The following ANGPT1 variants were observed in gnomAD, a reference collection of about 807,000 sequenced individuals.
ANGPT1 encodes angiopoietin 1, also known as angiopoietin-1.
ANGPT1 carries 17 observed loss-of-function variants against 62.2 expected under a neutral mutation model. The observed-to-expected ratio is 0.27, with a 90% CI of 0.19 to 0.41. The LOEUF (loss-of-function observed/expected upper bound fraction) is 0.41, where lower values mean the gene tolerates loss of function less well. Ranked by LOEUF, ANGPT1 falls within the 10% of genes least tolerant of loss-of-function variation. ANGPT1 has a pLI of 1.00. For synonymous variants in ANGPT1, 199 were observed against 198.9 expected, an observed-to-expected ratio of 1.00 and a Z score of 0.00; for missense variants, 478 against 594.9, an observed-to-expected ratio of 0.80 and a Z score of 2.04.
chr8:107,289,164 C>T (rs1295381787), intron 6 of ANGPT1, among the ~76,000 whole-genome samples: 2 of 152,058 alleles, frequency 1.3e-5, no homozygotes, highest in African/African-American at 4.8e-5. Flanking sequence ...TTCTCTAACG[C>T]TCTAATAAAA....
At chr8:107,382,507 G>T (rs1456310175) in intron 1 of ANGPT1, among the ~76,000 whole-genome samples, 3 of 150,688 alleles carry the variant, frequency 2.0e-5, no homozygotes, top group African/African-American at 7.3e-5. Context: ...ATCCAACAGT[G>T]CTGTGCTGAT....
intron 1 of ANGPT1, among the ~76,000 whole-genome samples, chr8:107,391,482 C>T (rs1329534176): frequency 6.6e-6 from 1 of 152,100 alleles, no homozygotes; most frequent in African/African-American, 2.4e-5. Context: ...GCCTGGCCAA[C>T]ATGGTGAAAC....
intron 1 of ANGPT1, among the ~76,000 whole-genome samples, chr8:107,370,725 G>A (rs10100999): frequency 0.74 from 96,162 of 129,562 alleles, 36,385 homozygotes; most frequent in East Asian, 0.86. Flanking sequence ...AAAAAAAAGA[G>A]GAAGAAGAAA....
intron 1 of ANGPT1, among the ~76,000 whole-genome samples, chr8:107,405,095 G>T (rs1586294917): frequency 1.3e-5 from 2 of 151,790 alleles, no homozygotes; most frequent in East Asian, 3.9e-4. Flanking sequence ...TTTTTTAAAT[G>T]CCAGTACATA....
intron 6 of ANGPT1, among the ~76,000 whole-genome samples, chr8:107,285,849 G>C (rs1041749537): frequency 6.6e-6 from 1 of 151,976 alleles, no homozygotes; most frequent in Admixed American, 6.6e-5. Flanking sequence ...GCCATGTTGT[G>C]AGCTCCCTGA....
intron 1 of ANGPT1, among the ~76,000 whole-genome samples, chr8:107,485,909 A>G (rs935976388): frequency 1.3e-5 from 2 of 152,198 alleles, no homozygotes; most frequent in African/African-American, 4.8e-5. Flanking sequence ...AGACTCAATT[A>G]AGCTCTATAA....
At chr8:107,279,800 A>C (rs973400521) in intron 7 of ANGPT1, among the ~76,000 whole-genome samples, 1 of 152,034 alleles carries the variant, frequency 6.6e-6, no homozygotes, top group Admixed American at 6.6e-5. Context: ...GCACAAGTTA[A>C]AGATAGTTAA....
At chr8:107,482,066 G>A (rs2130523152) in intron 1 of ANGPT1, among the ~76,000 whole-genome samples, 1 of 152,308 alleles carries the variant, frequency 6.6e-6, no homozygotes, top group African/African-American at 2.4e-5. Context: ...GGACTAAGAT[G>A]GCTGGTATCA....
intron 1 of ANGPT1, among the ~76,000 whole-genome samples, chr8:107,380,359 TTGTGTG>T (rs71308731): frequency 0.017 from 2,547 of 148,778 alleles, 81 homozygotes; most frequent in African/African-American, 0.058. Context: ...TGCAGGATGT[TTGTGTG>T]TGTGTGTGTG....
chr8:107,279,746 T>TACACAC (rs148069454), intron 7 of ANGPT1, among the ~76,000 whole-genome samples: 1,754 of 146,276 alleles, frequency 0.012, 22 homozygotes, highest in African/African-American at 0.042. Flanking sequence ...CACACACGTG[T>TACACAC]ACACACACAC....
intron 7 of ANGPT1, among the ~76,000 whole-genome samples, chr8:107,276,150 A>C (rs1357798401): frequency 6.6e-6 from 1 of 152,288 alleles, no homozygotes; most frequent in East Asian, 1.9e-4. Context: ...ATTAAAATAT[A>C]AATTTTGATG....
chr8:107,492,003 A>G (rs1419252724), intron 1 of ANGPT1, among the ~76,000 whole-genome samples: 1 of 152,202 alleles, frequency 6.6e-6, no homozygotes, highest in African/African-American at 2.4e-5. Context: ...ACAGTTTACC[A>G]AAAGGCTGTT....
At chr8:107,298,875 A>G (rs1014093543) in intron 5 of ANGPT1, among the ~76,000 whole-genome samples, 4 of 151,844 alleles carry the variant, frequency 2.6e-5, no homozygotes, top group African/African-American at 9.7e-5. Flanking sequence ...TATAATGAGC[A>G]ATGCTTTGGC....
intron 1 of ANGPT1, among the ~76,000 whole-genome samples, chr8:107,459,375 C>T (rs1019369613): frequency 1.3e-4 from 20 of 151,980 alleles, no homozygotes; most frequent in African/African-American, 3.9e-4. Context: ...CATGGTGAAA[C>T]CCTGTGTCTA....
chr8:107,280,261 C>T (rs1281401530), intron 7 of ANGPT1, among the ~76,000 whole-genome samples: 5 of 151,278 alleles, frequency 3.3e-5, no homozygotes, highest in East Asian at 1.9e-4. Context: ...AGTGTAATGG[C>T]GCAATCTCGG....
Position 107,338,843 on chromosome 8 carries a change from G to A in ANGPT1, c.454-2572C>T, listed in dbSNP as rs1815632263. The stretch of plus-strand genomic sequence containing the variant: ...TAATGAAATAGGGAATGAAACACTT[G>A]TATGTTTTGGTGACATTTAGAACAA... On this transcript the variant is annotated intron_variant, in intron 2 of 8. Transcript: ENST00000517746. Among the ~76,000 whole-genome samples the A allele has an allele frequency of 2.0e-5, 3 of 152,300 alleles. No individual in the cohort carries two copies. In the South Asian group the frequency reaches 6.2e-4, roughly 32 times the overall value.
At chr8:107,355,712 T>G (rs558877028) in intron 1 of ANGPT1, among the ~76,000 whole-genome samples, 4 of 152,270 alleles carry the variant, frequency 2.6e-5, no homozygotes, top group Admixed American at 6.5e-5. Context: ...CAAAACTCAG[T>G]TCAAGCTTTT....
At chr8:107,296,612 T>C (rs1013427984) in intron 5 of ANGPT1, among the ~76,000 whole-genome samples, 1 of 152,020 alleles carries the variant, frequency 6.6e-6, no homozygotes, top group Non-Finnish European at 1.5e-5. Flanking sequence ...GTGGTCAAAG[T>C]GGAGCTTTAC....
intron 7 of ANGPT1, among the ~76,000 whole-genome samples, chr8:107,282,594 A>ATATATATG (rs1814042600): frequency 8.4e-6 from 1 of 119,372 alleles, no homozygotes; most frequent in Admixed American, 8.9e-5. Flanking sequence ...ATATATATAT[A>ATATATATG]TGAGCCTCAG....
Sources: gnomAD v4.1 joint callset for allele counts (sites outside exome capture counted in the v4.1 genomes callset) on GRCh38, gnomAD v4.1.1 for gene constraint, MANE v1.5 for transcripts, NCBI Gene and HGNC (gene_info 2026-07-23, HGNC 2026-07-21) for gene names.